Variants in UBE2O observed in about 807,000 individuals in gnomAD.
The protein encoded by UBE2O is (E3-independent) E2 ubiquitin-conjugating enzyme.
UBE2O carries 15 observed loss-of-function variants against 125.8 expected under a neutral mutation model. That is an observed-to-expected ratio of 0.12 (90% CI 0.08 to 0.18). UBE2O has a LOEUF of 0.18. Ranked by LOEUF, UBE2O falls within the 10% of genes least tolerant of loss-of-function variation. The probability of loss-of-function intolerance (pLI) is 1.00; values close to 1 mark genes in which losing one functional copy is unlikely to be tolerated. For synonymous variants in UBE2O, 708 were observed against 703.2 expected, an observed-to-expected ratio of 1.01 and a Z score of -0.11; for missense variants, 1,280 against 1,723.6, an observed-to-expected ratio of 0.74 and a Z score of 4.56.
At chr17:76,424,125 G>A (rs187690081) in intron 1 of UBE2O, among the ~76,000 whole-genome samples, 2 of 151,348 alleles carry the variant, frequency 1.3e-5, no homozygotes, top group African/African-American at 4.8e-5. Context: ...AGCCAGGATG[G>A]TCTCGATCTC....
rs1424875857 is a variant in UBE2O at position 76,400,922 on chromosome 17, C to T, written c.894+89G>A. 2.0e-6 allele frequency: 3 copies of T among 1,508,484 alleles called. No individual in the cohort carries two copies. The highest frequency in any genetic ancestry group is 1.4e-5 in the African/African-American group (1 of 72,926). 93.4% of individuals were successfully genotyped at this position (1,508,484 alleles called of 1,614,324 possible). On this transcript the variant is annotated intron_variant, in intron 6 of 17. Coordinates refer to ENST00000319380, the MANE Select transcript of UBE2O (RefSeq NM_022066.4). The surrounding 1 kb of genome is among the most constrained non-coding windows in gnomAD (Gnocchi z 4.3). ...CAGATGCTGAGGAGCGGGGCTCAAC[C>T]CTCAAGAGCAGGAAGGAAAGGGGCA...
Position 76,396,083 on chromosome 17 carries a change from C to A in UBE2O, c.2809+45G>T. 1 of 1,595,786 alleles carries A rather than the reference C, an allele frequency of 6.3e-7. No homozygotes were observed. Among genetic ancestry groups the A allele is most frequent in the Non-Finnish European group, 8.6e-7 (1 of 1,169,402 alleles). On this transcript the variant is annotated intron_variant, in intron 14 of 17. Coordinates refer to ENST00000319380, the MANE Select transcript of UBE2O (RefSeq NM_022066.4). This position sits in a 1 kb window ranked among gnomAD's most constrained non-coding sequence, Gnocchi z 6.7. ...AGATCTGGTGACACAAACAGGAGCC[C>A]CGAGAAGGCGGGGGAAGGCGAAGAC...
chr17:76,441,919 T>C (rs1038252772), intron 1 of UBE2O, among the ~76,000 whole-genome samples: 1 of 152,268 alleles, frequency 6.6e-6, no homozygotes, highest in Non-Finnish European at 1.5e-5. Flanking sequence ...GCAGAGTGCA[T>C]AGCCTAAGCT....
intron 1 of UBE2O, among the ~76,000 whole-genome samples, chr17:76,433,596 T>C (rs1388089178): frequency 1.2e-5 from 1 of 84,650 alleles, no homozygotes; most frequent in Non-Finnish European, 2.4e-5. Flanking sequence ...ATGTGAATTG[T>C]CTCAATAAAC....
At chr17:76,451,582 A>G (rs961687754) in intron 1 of UBE2O, among the ~76,000 whole-genome samples, 2 of 152,176 alleles carry the variant, frequency 1.3e-5, no homozygotes, top group African/African-American at 4.8e-5. Flanking sequence ...GTAGTTTGAC[A>G]TGAAACCCCG....
At chr17:76,408,238 G>A (rs998066991) in intron 1 of UBE2O, among the ~76,000 whole-genome samples, 1 of 152,188 alleles carries the variant, frequency 6.6e-6, no homozygotes, top group Non-Finnish European at 1.5e-5. Context: ...AGGAACCGAC[G>A]TGCTCCTGGC....
chr17:76,419,283 C>CAAAAAAA (rs35062714), intron 1 of UBE2O, among the ~76,000 whole-genome samples: 1 of 63,276 alleles, frequency 1.6e-5, no homozygotes, highest in Admixed American at 2.0e-4. Flanking sequence ...GACCCTATCT[C>CAAAAAAA]AAAAAAAAAA....
intron 1 of UBE2O, among the ~76,000 whole-genome samples, chr17:76,446,271 G>C (rs2073149386): frequency 6.6e-6 from 1 of 152,192 alleles, no homozygotes; most frequent in Admixed American, 6.5e-5. Flanking sequence ...ACCAGCGGCA[G>C]CTGACACTGA....
At chr17:76,403,941 A>G (rs1052022460) in intron 3 of UBE2O, among the ~76,000 whole-genome samples, 1 of 152,230 alleles carries the variant, frequency 6.6e-6, no homozygotes, top group Non-Finnish European at 1.5e-5. Flanking sequence ...AACAGAACAG[A>G]TAATAGTAGT....
chr17:76,450,715 T>C (rs2073226455), intron 1 of UBE2O, among the ~76,000 whole-genome samples: 2 of 151,994 alleles, frequency 1.3e-5, no homozygotes, highest in South Asian at 4.2e-4. Flanking sequence ...TCCGCCTCCC[T>C]GGTTCAAGCA....
intron 1 of UBE2O, among the ~76,000 whole-genome samples, chr17:76,416,222 A>G (rs2072614890): frequency 6.6e-6 from 1 of 151,878 alleles, no homozygotes; most frequent in Non-Finnish European, 1.5e-5. Context: ...ATGTATGTAT[A>G]TGTATATGTG....
chr17:76,408,073 T>A (rs2072453817), intron 1 of UBE2O, among the ~76,000 whole-genome samples: 1 of 152,148 alleles, frequency 6.6e-6, no homozygotes, highest in Non-Finnish European at 1.5e-5. Context: ...TAACTTCCTA[T>A]ACCCCACCCA....
Position 76,399,707 on chromosome 17 carries a change from C to G in UBE2O, c.1370G>C (p.Gly457Ala). 1 of 1,614,178 alleles carries G rather than the reference C, an allele frequency of 6.2e-7. No individual in the cohort carries two copies. Among genetic ancestry groups the G allele is most frequent in the Non-Finnish European group, 8.5e-7 (1 of 1,180,040 alleles). ...TAGCAGGAATGGGGGCAGCTGCTCT[C>G]CTGCCTCGTGGGGCTCCTCTGCACC... ...DEGAEEPHEA[G>A]EQLPPFLLKE... The change falls in exon 9 of 18, where the codon GGA (glycine) becomes GCA (alanine). Residue 457 changes from glycine to alanine, a missense_variant. By Grantham distance (60) the Gly-to-Ala change is moderately conservative (BLOSUM62 0). Coordinates refer to ENST00000319380, the MANE Select transcript of UBE2O (RefSeq NM_022066.4). The surrounding 1 kb of genome is among the most constrained non-coding windows in gnomAD (Gnocchi z 6.9).
intron 1 of UBE2O, among the ~76,000 whole-genome samples, chr17:76,416,037 G>GTGTATACATATGTACACACACGTA (rs2072604514): frequency 5.2e-5 from 7 of 134,504 alleles, no homozygotes; most frequent in African/African-American, 2.1e-4. Context: ...ACGTATATAT[G>GTGTATACATATGTACACACACGTA]TGTGTGTACA....
At chr17:76,451,403 G>C (rs1293897924) in intron 1 of UBE2O, among the ~76,000 whole-genome samples, 1 of 152,148 alleles carries the variant, frequency 6.6e-6, no homozygotes, top group Non-Finnish European at 1.5e-5. Flanking sequence ...TTTCTCTGAG[G>C]GGAAGCAGGG....
chr17:76,441,978 A>G (rs544516701), intron 1 of UBE2O, among the ~76,000 whole-genome samples: 1 of 152,342 alleles, frequency 6.6e-6, no homozygotes, highest in East Asian at 1.9e-4. Flanking sequence ...TTTCCAATAG[A>G]GAGCCTCGTT....
At chr17:76,416,216 A>T (rs905324999) in intron 1 of UBE2O, among the ~76,000 whole-genome samples, 1 of 150,968 alleles carries the variant, frequency 6.6e-6, no homozygotes, top group Non-Finnish European at 1.5e-5. Flanking sequence ...GTGTATATGT[A>T]TGTATATGTA....
At chr17:76,450,284 C>T (rs932154611) in intron 1 of UBE2O, among the ~76,000 whole-genome samples, 1 of 152,120 alleles carries the variant, frequency 6.6e-6, no homozygotes, top group African/African-American at 2.4e-5. Context: ...CACCCTACCA[C>T]CCTGCTTGGT....
In UBE2O at chr17:76,402,177, C is replaced by T. The variant is rs1164894752; in HGVS notation, c.687-50G>A. ...TCTCCACCAGGGGACACAGTGAGTA[C>T]CAAAAAGTTGCGATTCTGAGATGCC... is the stretch of plus-strand genomic sequence containing the variant. On this transcript the variant is annotated intron_variant, in intron 4 of 17. Coordinates refer to ENST00000319380, the MANE Select transcript of UBE2O (RefSeq NM_022066.4). The surrounding 1 kb of genome is among the most constrained non-coding windows in gnomAD (Gnocchi z 5.4). 6.3e-7 allele frequency: 1 copy of T among 1,587,760 alleles called. No individual in the cohort carries two copies. Among genetic ancestry groups the T allele is most frequent in the Non-Finnish European group, 8.6e-7 (1 of 1,163,794 alleles).
Sources: allele counts gnomAD v4.1 joint callset (sites outside exome capture counted in the v4.1 genomes callset), GRCh38; gene constraint gnomAD v4.1.1; non-coding constraint Gnocchi (gnomAD v3.1); transcripts MANE v1.5; gene names NCBI Gene and HGNC (gene_info 2026-07-23, HGNC 2026-07-21).